Variants in NUBPL observed in about 807,000 individuals in gnomAD.
The protein encoded by NUBPL is iron-sulfur cluster transfer protein NUBPL.
In NUBPL, 31 loss-of-function variants were observed where a neutral mutation model predicts 45.7. The ratio of observed to expected loss-of-function variants is 0.68; its 90% CI spans 0.51 to 0.92. The LOEUF is 0.92. Ranked by LOEUF, NUBPL falls within the 40% of genes least tolerant of loss-of-function variation. The pLI, the probability that NUBPL is intolerant of heterozygous loss-of-function variation, is 0.00. For missense variants in NUBPL, 401 were observed against 398.7 expected, an observed-to-expected ratio of 1.01 and a Z score of -0.05; for synonymous variants, 144 against 140.9, an observed-to-expected ratio of 1.02 and a Z score of -0.15.
At position 31,656,870 on chromosome 14, in the gene NUBPL, A is replaced by G. The variant is rs189719810; in HGVS notation, c.383-16485A>G. Among the ~76,000 whole-genome samples the G allele has an allele frequency of 6.6e-5, 10 of 152,382 alleles. No individual in the cohort carries two copies. In the East Asian group the frequency reaches 1.7e-3, roughly 26 times the overall value. On this transcript the variant is annotated intron_variant, in intron 4 of 10. Coordinates refer to ENST00000281081, the MANE Select transcript of NUBPL (RefSeq NM_025152.3). ...GGTTGCACAAACCTTTGATTTGTAA[A>G]AAATGCAGTAACTGCAAAGTACAAT... is the stretch of plus-strand genomic sequence containing the variant.
intron 8 of NUBPL, among the ~76,000 whole-genome samples, chr14:31,832,950 G>A (rs1391738995): frequency 6.6e-6 from 1 of 152,120 alleles, no homozygotes; most frequent in Non-Finnish European, 1.5e-5. Context: ...AGCACTCAAT[G>A]TTTACATAAT....
At chr14:31,738,934 G>T (rs1028940270) in intron 6 of NUBPL, among the ~76,000 whole-genome samples, 1 of 151,826 alleles carries the variant, frequency 6.6e-6, no homozygotes. Flanking sequence ...AATTTTAGAG[G>T]CTTGAAGAAT....
At chr14:31,562,520 A>C (rs531361684) in intron 2 of NUBPL, among the ~76,000 whole-genome samples, 1 of 152,290 alleles carries the variant, frequency 6.6e-6, no homozygotes, top group Admixed American at 6.5e-5. Flanking sequence ...CAAATTGCAC[A>C]AGCTAACCAC....
rs541394353 is a variant in NUBPL, at chr14:31,808,612, C to A, written c.608-18017C>A. 1.4e-4 allele frequency among the ~76,000 whole-genome samples: 22 copies of A among 152,292 alleles called. No homozygotes were observed. In the East Asian group the frequency reaches 3.9e-3, roughly 27 times the overall value. Reference sequence around the variant, plus strand: ...TTTCCTAATTGAATACCCTTCATTTCTTTCTCTTGCCTGATTGCCCTGGCC... The same window carrying A: ...TTTCCTAATTGAATACCCTTCATTTATTTCTCTTGCCTGATTGCCCTGGCC... On this transcript the variant is annotated intron_variant, in intron 7 of 10. Coordinates refer to ENST00000281081, the MANE Select transcript of NUBPL (RefSeq NM_025152.3).
chr14:31,847,493 A>G (rs1345751397), intron 9 of NUBPL, among the ~76,000 whole-genome samples: 1 of 152,228 alleles, frequency 6.6e-6, no homozygotes, highest in Non-Finnish European at 1.5e-5. Context: ...AACTAAAATC[A>G]TGTGTTAAAT....
intron 7 of NUBPL, among the ~76,000 whole-genome samples, chr14:31,791,151 A>G (rs550696815): frequency 6.6e-6 from 1 of 150,650 alleles, no homozygotes; most frequent in African/African-American, 2.4e-5. Flanking sequence ...GGTGACGTGC[A>G]CTTGTGGTCC....
intron 4 of NUBPL, among the ~76,000 whole-genome samples, chr14:31,604,425 T>G (rs1244849391): frequency 6.6e-6 from 1 of 152,144 alleles, no homozygotes; most frequent in Non-Finnish European, 1.5e-5. Context: ...CAATACAAAA[T>G]TACCTAATTA....
intron 3 of NUBPL, among the ~76,000 whole-genome samples, chr14:31,581,990 A>G (rs1566426803): frequency 6.6e-6 from 1 of 152,244 alleles, no homozygotes; most frequent in African/African-American, 2.4e-5. Flanking sequence ...GATATAGCAC[A>G]TTAGTTTTAA....
Position 31,808,105 on chromosome 14 carries a change from G to T in NUBPL, c.608-18524G>T, listed in dbSNP as rs576673672. Among the ~76,000 whole-genome samples, 10 of 152,306 alleles carry T rather than the reference G, an allele frequency of 6.6e-5. No individual in the cohort carries two copies. The East Asian group carries it at 1.9e-3, about 29-fold the overall frequency. The stretch of plus-strand genomic sequence containing the variant: ...GGCTTAGGATTGACTTGGCGATGCG[G>T]ACTCTTTTTTGGTTTCATATGAACT... On this transcript the variant is annotated intron_variant, in intron 7 of 10. Transcript: ENST00000281081.
At chr14:31,736,203 G>C (rs1245998393) in intron 6 of NUBPL, among the ~76,000 whole-genome samples, 2 of 152,130 alleles carry the variant, frequency 1.3e-5, no homozygotes, top group South Asian at 4.1e-4. Context: ...GACCTCCAAA[G>C]TTTTCTTGAC....
At chr14:31,752,773 A>G (rs1023041039) in intron 6 of NUBPL, among the ~76,000 whole-genome samples, 4 of 152,222 alleles carry the variant, frequency 2.6e-5, no homozygotes, top group East Asian at 1.9e-4. Flanking sequence ...GTCTGTTTTC[A>G]TACTGCTAAA....
At chr14:31,693,964 T>C (rs1595504018) in intron 6 of NUBPL, among the ~76,000 whole-genome samples, 1 of 150,710 alleles carries the variant, frequency 6.6e-6, no homozygotes, top group African/African-American at 2.5e-5. Flanking sequence ...CACACCATTC[T>C]CCTGCCTCAG....
At chr14:31,757,433 G>A (rs560684847) in intron 6 of NUBPL, among the ~76,000 whole-genome samples, 5,642 of 150,508 alleles carry the variant, frequency 0.037, 267 homozygotes, top group African/African-American at 0.11. Context: ...GTCTTGGGAG[G>A]GTGTATATGT....
In NUBPL at chr14:31,599,382, A is replaced by G. The variant is rs777457120; in HGVS notation, c.382+3A>G. On this transcript the variant is annotated splice_donor_region_variant and intron_variant, in intron 4 of 10. Coordinates refer to ENST00000281081, the MANE Select transcript of NUBPL (RefSeq NM_025152.3). ...AGGAAATCCGGAATTATCACAGAGT[A>G]AGTAAAGAAGGGATAAATATTATAA... The G allele has an allele frequency of 1.3e-5, 20 of 1,585,048 alleles. No homozygotes were observed. In the Admixed American group the frequency reaches 3.3e-4, roughly 26 times the overall value.
At chr14:31,593,035 A>G (rs955617576) in intron 3 of NUBPL, among the ~76,000 whole-genome samples, 2 of 152,212 alleles carry the variant, frequency 1.3e-5, no homozygotes, top group Admixed American at 6.5e-5. Flanking sequence ...GATCAAAAAT[A>G]TTTTTAAAAA....
At chr14:31,825,909 G>C (rs1378115705) in intron 7 of NUBPL, among the ~76,000 whole-genome samples, 1 of 148,972 alleles carries the variant, frequency 6.7e-6, no homozygotes, top group East Asian at 2.0e-4. Flanking sequence ...GCTGGTCTTG[G>C]ACTCCTGGGC....
chr14:31,715,733 A>G (rs558404708), intron 6 of NUBPL, among the ~76,000 whole-genome samples: 15 of 152,276 alleles, frequency 9.9e-5, no homozygotes, highest in Admixed American at 9.1e-4. Flanking sequence ...AGTGAATGTG[A>G]TTGCCTAGAA....
chr14:31,740,499 G>A (rs1451502191), intron 6 of NUBPL, among the ~76,000 whole-genome samples: 1 of 152,112 alleles, frequency 6.6e-6, no homozygotes, highest in East Asian at 1.9e-4. Context: ...AAATTGGGTT[G>A]TTTGTTTTCT....
chr14:31,692,174 T>A (rs1163762739), intron 6 of NUBPL, among the ~76,000 whole-genome samples: 2 of 152,226 alleles, frequency 1.3e-5, no homozygotes. Flanking sequence ...TTATTTTCTA[T>A]TTTGACTTTA....
Sources: gnomAD v4.1 joint callset for allele counts (sites outside exome capture counted in the v4.1 genomes callset) on GRCh38, gnomAD v4.1.1 for gene constraint, MANE v1.5 for transcripts, NCBI Gene and HGNC (gene_info 2026-07-23, HGNC 2026-07-21) for gene names.